SPAG16: variants seen among roughly 807,000 people sequenced by gnomAD.
SPAG16 encodes the protein sperm associated antigen 16, also known as sperm-associated antigen 16 protein.
Under a neutral mutation model 80.4 loss-of-function variants are expected in SPAG16, and 86 were observed. That is an observed-to-expected ratio of 1.07 (90% CI 0.90 to 1.28). The LOEUF is 1.28. Ranked by LOEUF, SPAG16 falls within the 50% of genes most tolerant of loss-of-function variation. The pLI is 0.00. For missense variants in SPAG16, 870 were observed against 765.3 expected (o/e 1.14, Z -1.61); for synonymous variants, 294 against 265.9 (o/e 1.11, Z -1.03).
At chr2:214,318,951 T>C (rs1310813033) in intron 15 of SPAG16, among the ~76,000 whole-genome samples, 1 of 152,156 alleles carries the variant, frequency 6.6e-6, no homozygotes, top group Non-Finnish European at 1.5e-5. Flanking sequence ...CAGCTTTCTT[T>C]CATAAAAATC....
chr2:213,981,445 A>G (rs999097037), intron 12 of SPAG16, among the ~76,000 whole-genome samples: 2 of 151,974 alleles, frequency 1.3e-5, no homozygotes, highest in Admixed American at 6.6e-5. Context: ...TGAGTTTTTC[A>G]TATATTTATG....
chr2:213,791,513 A>C (rs1188556668), intron 10 of SPAG16, among the ~76,000 whole-genome samples: 2 of 152,162 alleles, frequency 1.3e-5, no homozygotes, highest in African/African-American at 4.8e-5. Flanking sequence ...TAAAGGATAC[A>C]CAAAATAAGA....
At chr2:213,996,565 C>CTTT (rs57100155) in intron 12 of SPAG16, among the ~76,000 whole-genome samples, 83 of 116,950 alleles carry the variant, frequency 7.1e-4, no homozygotes, top group African/African-American at 1.5e-3. Flanking sequence ...TAATGCTATT[C>CTTT]TTTTTTTTTT....
intron 15 of SPAG16, among the ~76,000 whole-genome samples, chr2:214,316,095 C>G (rs1695674228): frequency 1.3e-5 from 2 of 151,088 alleles, no homozygotes; most frequent in South Asian, 4.2e-4. Flanking sequence ...ATTACAGGAG[C>G]CTTGGGTCAC....
chr2:213,534,642 T>C (rs1168278637), intron 10 of SPAG16, among the ~76,000 whole-genome samples: 1 of 152,112 alleles, frequency 6.6e-6, no homozygotes, highest in African/African-American at 2.4e-5. Context: ...ATAATGTATA[T>C]TGTATGATTC....
intron 9 of SPAG16, among the ~76,000 whole-genome samples, chr2:213,400,483 T>C (rs1280408034): frequency 6.6e-6 from 1 of 152,226 alleles, no homozygotes; most frequent in Admixed American, 6.5e-5. Flanking sequence ...TATGTATTTG[T>C]AGTTGAAATA....
intron 9 of SPAG16, among the ~76,000 whole-genome samples, chr2:213,391,080 CA>C (rs1157791261): frequency 6.6e-6 from 1 of 152,030 alleles, no homozygotes; most frequent in Non-Finnish European, 1.5e-5. Flanking sequence ...CCAGCCTGAC[CA>C]ATATGGTGAA....
intron 15 of SPAG16, among the ~76,000 whole-genome samples, chr2:214,382,022 G>A (rs73989467): frequency 0.033 from 4,959 of 152,244 alleles, 257 homozygotes; most frequent in African/African-American, 0.11. Flanking sequence ...TTATTTCCCT[G>A]TAGATTTGGA....
chr2:214,228,523 AG>A (rs1333513098), intron 15 of SPAG16, among the ~76,000 whole-genome samples: 1 of 151,894 alleles, frequency 6.6e-6, no homozygotes, highest in Non-Finnish European at 1.5e-5. Flanking sequence ...TATCAATAGG[AG>A]AAAAAGCAAA....
At chr2:214,194,554 T>G (rs1367994414) in intron 15 of SPAG16, among the ~76,000 whole-genome samples, 1 of 152,078 alleles carries the variant, frequency 6.6e-6, no homozygotes, top group East Asian at 1.9e-4. Context: ...TTTACTAGCA[T>G]AAGACATATT....
intron 10 of SPAG16, among the ~76,000 whole-genome samples, chr2:213,516,752 A>G (rs1295813614): frequency 6.6e-6 from 1 of 152,192 alleles, no homozygotes; most frequent in Non-Finnish European, 1.5e-5. Flanking sequence ...AAATCTCCCT[A>G]TCATAGGTAG....
intron 10 of SPAG16, among the ~76,000 whole-genome samples, chr2:213,619,960 A>G (rs749483642): frequency 5.3e-5 from 8 of 152,240 alleles, no homozygotes; most frequent in Non-Finnish European, 1.0e-4. Context: ...GTACATATAC[A>G]CAATGGAGTA....
At chr2:213,858,947 G>A (rs7577186) in intron 10 of SPAG16, among the ~76,000 whole-genome samples, 5 of 151,242 alleles carry the variant, frequency 3.3e-5, no homozygotes, top group Non-Finnish European at 5.9e-5. Flanking sequence ...TTGGGAGGCC[G>A]AGGTGGGCGG....
At chr2:213,412,106 ACTCCACCCTAACTCATTCCGATCACCTG>A (rs2069004815) in intron 9 of SPAG16, among the ~76,000 whole-genome samples, 1 of 151,548 alleles carries the variant, frequency 6.6e-6, no homozygotes, top group African/African-American at 2.4e-5. Context: ...CTGATCACCT[ACTCCACCCTAACTCATTCCGATCACCTG>A]CTCCACCCTA....
chr2:213,872,203 G>A (rs559743642), intron 11 of SPAG16, among the ~76,000 whole-genome samples: 22 of 152,206 alleles, frequency 1.4e-4, no homozygotes, highest in African/African-American at 5.3e-4. Context: ...CAGAGTAAGA[G>A]TGATGTGACA....
At chr2:214,256,937 T>C (rs56736513) in intron 15 of SPAG16, among the ~76,000 whole-genome samples, 8,892 of 152,056 alleles carry the variant, frequency 0.058, 907 homozygotes, top group African/African-American at 0.2. Flanking sequence ...AATTTTAACA[T>C]CTTGTCAATT....
At chr2:213,973,474 T>C (rs928327452) in intron 12 of SPAG16, among the ~76,000 whole-genome samples, 3 of 152,028 alleles carry the variant, frequency 2.0e-5, no homozygotes, top group African/African-American at 4.8e-5. Flanking sequence ...GAAACAATTA[T>C]TTTTCAATAA....
intron 10 of SPAG16, among the ~76,000 whole-genome samples, chr2:213,580,846 A>C (rs1218528672): frequency 6.6e-6 from 1 of 151,984 alleles, no homozygotes; most frequent in Non-Finnish European, 1.5e-5. Context: ...TCAGACATTT[A>C]TTTACATGCC....
At chr2:213,836,796 T>C (rs184026900) in intron 10 of SPAG16, among the ~76,000 whole-genome samples, 1 of 152,150 alleles carries the variant, frequency 6.6e-6, no homozygotes, top group East Asian at 1.9e-4. Flanking sequence ...GTATTTTCAG[T>C]AGAGATGGGG....
Sources: gnomAD v4.1 joint callset for allele counts (sites outside exome capture counted in the v4.1 genomes callset) on GRCh38, gnomAD v4.1.1 for gene constraint, MANE v1.5 for transcripts, NCBI Gene and HGNC (gene_info 2026-07-23, HGNC 2026-07-21) for gene names.